BST1: variants seen among roughly 807,000 people sequenced by gnomAD.
BST1 encodes the protein bone marrow stromal cell antigen 1.
BST1 carries 49 observed loss-of-function variants against 40.6 expected under a neutral mutation model. That is an observed-to-expected ratio of 1.21 (90% CI 0.96 to 1.53). BST1 has a LOEUF of 1.53. BST1 is among the 40% of genes most tolerant of loss of function. The pLI, the probability that BST1 is intolerant of heterozygous loss-of-function variation, is 0.00. For missense variants in BST1, 423 were observed against 395.9 expected, an observed-to-expected ratio of 1.07 and a Z score of -0.58; for synonymous variants, 157 against 159.3, an observed-to-expected ratio of 0.99 and a Z score of 0.11.
chr4:15,769,658 TTCTC>T, the BST1 span, among the ~76,000 whole-genome samples: 1 of 151,634 alleles, frequency 6.6e-6, no homozygotes, highest in Admixed American at 6.6e-5. Context: ...AGAACAGAAT[TTCTC>T]TCTCTCTATA....
downstream of BST1, among the ~76,000 whole-genome samples, chr4:15,739,758 C>G (rs1198360524): frequency 6.6e-6 from 1 of 152,098 alleles, no homozygotes; most frequent in African/African-American, 2.4e-5. Context: ...ACACATTAAA[C>G]TCGATTAAAT....
intron 7 of BST1, among the ~76,000 whole-genome samples, chr4:15,719,980 C>T (rs1016289371): frequency 6.6e-6 from 1 of 152,152 alleles, no homozygotes; most frequent in Non-Finnish European, 1.5e-5. Flanking sequence ...ATGTCCTTTT[C>T]TGGAAATATA....
At chr4:15,727,726 A>T (rs1022338398) in intron 8 of BST1, among the ~76,000 whole-genome samples, 1 of 152,106 alleles carries the variant, frequency 6.6e-6, no homozygotes, top group African/African-American at 2.4e-5. Flanking sequence ...ACAGTCTTTG[A>T]CCTAGGTCAC....
intron 3 of BST1, among the ~76,000 whole-genome samples, chr4:15,708,899 C>A (rs935523586): frequency 6.6e-6 from 1 of 151,992 alleles, no homozygotes; most frequent in Admixed American, 6.6e-5. Context: ...AAAGAGTTAA[C>A]CTAATATCAG....
the BST1 span, among the ~76,000 whole-genome samples, chr4:15,757,779 CT>C: frequency 6.6e-6 from 1 of 151,828 alleles, no homozygotes; most frequent in Non-Finnish European, 1.5e-5. Flanking sequence ...GTAACTTGGA[CT>C]ACAGGCATGC....
chr4:15,731,635 C>T (rs1200646118), intron 8 of BST1, 105 bp from the exon 9 acceptor site: 57 of 1,430,194 alleles, frequency 4.0e-5, no homozygotes, highest in Admixed American at 6.0e-5. Context: ...CATGGCTTCT[C>T]GCTCCGCGCT....
intron 8 of BST1, among the ~76,000 whole-genome samples, chr4:15,728,449 C>CTTTTTTT (rs974237825): frequency 2.8e-4 from 33 of 119,594 alleles, no homozygotes; most frequent in Non-Finnish European, 3.1e-4. Context: ...AATTCTTTTT[C>CTTTTTTT]TTTTTTTTTT....
chr4:15,711,925 T>G, intron 4 of BST1, 36 bp downstream of exon 4: 3 of 1,565,484 alleles, frequency 1.9e-6, no homozygotes, highest in Non-Finnish European at 2.6e-6. Context: ...GTTGAGCATG[T>G]GTGGGACCCA....
the BST1 span, chr4:15,743,544 G>T: frequency 5.6e-6 from 2 of 356,700 alleles, no homozygotes; most frequent in South Asian, 4.6e-5. Context: ...GGAAGCTGAG[G>T]GCAACATCTG....
At chr4:15,722,122 G>A (rs968433898) in intron 7 of BST1, among the ~76,000 whole-genome samples, 2 of 152,202 alleles carry the variant, frequency 1.3e-5, no homozygotes, top group African/African-American at 4.8e-5. Context: ...CATCACCCAT[G>A]TGGTTCAAGT....
chr4:15,739,554 CGTGTGTGTGTGTGTGTGTGT>C, downstream of BST1, among the ~76,000 whole-genome samples: 1 of 143,942 alleles, frequency 6.9e-6, no homozygotes, highest in African/African-American at 2.6e-5. Context: ...GAAGCCAAAC[CGTGTGTGTGTGTGTGTGTGT>C]GTGTGTGTGT....
At chr4:15,727,719 G>A (rs539654233) in intron 8 of BST1, among the ~76,000 whole-genome samples, 1 of 152,170 alleles carries the variant, frequency 6.6e-6, no homozygotes, top group Admixed American at 6.5e-5. Context: ...AAATATCACA[G>A]TCTTTGACCT....
At chr4:15,746,971 A>C in the BST1 span, among the ~76,000 whole-genome samples, 11 of 152,196 alleles carry the variant, frequency 7.2e-5, no homozygotes, top group African/African-American at 2.7e-4. Context: ...AGAAGATCTG[A>C]GTATTCCATT....
At chr4:15,726,812 C>T (rs1577592490) in intron 8 of BST1, among the ~76,000 whole-genome samples, 1 of 152,044 alleles carries the variant, frequency 6.6e-6, no homozygotes, top group African/African-American at 2.4e-5. Context: ...TGGGTTAGCT[C>T]CCCTGCTGCA....
the BST1 span, among the ~76,000 whole-genome samples, chr4:15,749,958 A>G: frequency 7.2e-6 from 1 of 138,418 alleles, no homozygotes; most frequent in Non-Finnish European, 1.5e-5. Flanking sequence ...TTTTGTATCC[A>G]TTAACCATCC....
the BST1 span, among the ~76,000 whole-genome samples, chr4:15,756,391 G>T: frequency 2.0e-5 from 3 of 152,320 alleles, no homozygotes; most frequent in South Asian, 2.1e-4. Context: ...GTGGTTTGTG[G>T]TTAAAGATGT....
the BST1 span, among the ~76,000 whole-genome samples, chr4:15,769,848 G>GTT: frequency 6.7e-6 from 1 of 148,254 alleles, no homozygotes; most frequent in Non-Finnish European, 1.5e-5. Flanking sequence ...GTAGTTTTTT[G>GTT]TTTTTTTTTT....
Position 15,732,267 on chromosome 4 carries a change from T to C in BST1, c.*422T>C, listed in dbSNP as rs1721406455. On this transcript the variant is annotated 3_prime_UTR_variant, in exon 9 of 9. Coordinates refer to ENST00000265016, the MANE Select transcript of BST1 (RefSeq NM_004334.3). The stretch of plus-strand genomic sequence containing the variant: ...ACTATATAAATGTATGCATATATGG[T>C]CTGCAAAGTTTTCATTTTTCATTTA... The C allele has an allele frequency of 3.2e-6, 1 of 309,206 alleles. No homozygotes were observed. The highest frequency in any genetic ancestry group is 1.3e-4 in the South Asian group (1 of 7,948). 19.2% of individuals were successfully genotyped at this position (309,206 alleles called of 1,614,324 possible). A position where few individuals can be genotyped will look rare whatever the true frequency, so the allele number is the denominator to read the frequency against.
chr4:15,721,589 A>T lies in BST1; in HGVS notation c.792-1286A>T, dbSNP rs1016272159. Among the ~76,000 whole-genome samples, 10 of 146,414 alleles carry T rather than the reference A, an allele frequency of 6.8e-5. No homozygotes were observed. In the Admixed American group the frequency reaches 6.9e-4, roughly 10 times the overall value. The stretch of plus-strand genomic sequence containing the variant: ...CCAAACACCGCATGTTCTCACTCAC[A>T]GGTGGGAACTGAACAATGAGAACCC... On this transcript the variant is annotated intron_variant, in intron 7 of 8. Coordinates refer to ENST00000265016, the MANE Select transcript of BST1 (RefSeq NM_004334.3).
Sources: allele counts gnomAD v4.1 joint callset (sites outside exome capture counted in the v4.1 genomes callset), GRCh38; gene constraint gnomAD v4.1.1; transcripts MANE v1.5; gene names NCBI Gene and HGNC (gene_info 2026-07-23, HGNC 2026-07-21).